GAREM1: variants seen among roughly 807,000 people sequenced by gnomAD.
GAREM1 encodes GRB2 associated regulator of MAPK1 subtype 1, also known as GRB2-associated and regulator of MAPK protein 1.
GAREM1 carries 26 observed loss-of-function variants against 71.3 expected under a neutral mutation model. That is an observed-to-expected ratio of 0.36 (90% CI 0.27 to 0.51). GAREM1 has a LOEUF of 0.51. GAREM1 is among the 20% of genes least tolerant of loss of function. The probability of loss-of-function intolerance (pLI) is 0.95; values close to 1 mark genes in which losing one functional copy is unlikely to be tolerated. For missense variants in GAREM1, 1,026 were observed against 1,103.1 expected (o/e 0.93, Z 0.99); for synonymous variants, 440 against 433.2 (o/e 1.02, Z -0.20).
chr18:32,424,631 T>C (rs962610768), intron 1 of GAREM1, among the ~76,000 whole-genome samples: 1 of 152,212 alleles, frequency 6.6e-6, no homozygotes, highest in African/African-American at 2.4e-5. Flanking sequence ...ATCAAGATAC[T>C]GTATATATTT....
chr18:32,390,869 T>C (rs1438408585), intron 2 of GAREM1, among the ~76,000 whole-genome samples: 1 of 152,200 alleles, frequency 6.6e-6, no homozygotes, highest in Non-Finnish European at 1.5e-5. Context: ...AATTAACTTC[T>C]GGAGGTAGGA....
chr18:32,395,338 C>A (rs1178046049), intron 1 of GAREM1, among the ~76,000 whole-genome samples: 3 of 152,212 alleles, frequency 2.0e-5, no homozygotes, highest in Admixed American at 2.0e-4. Flanking sequence ...GGTGAACAAA[C>A]CCAAGATCGC....
rs535482588 is a variant in GAREM1 at position 32,355,362 on chromosome 18, T to C, written c.262+37533A>G. Among the ~76,000 whole-genome samples, 20 of 152,274 alleles carry C rather than the reference T, an allele frequency of 1.3e-4. No homozygotes were observed. In the East Asian group the frequency reaches 2.7e-3, roughly 21 times the overall value. ...TATCTATGGATAAATAAAATTTTAT[T>C]TTGTGAAAGGTTTTTTGCATATTTG... On this transcript the variant is annotated intron_variant, in intron 2 of 5. Coordinates refer to ENST00000269209, the MANE Select transcript of GAREM1 (RefSeq NM_001242409.2).
intron 1 of GAREM1, among the ~76,000 whole-genome samples, chr18:32,439,502 C>T (rs572613706): frequency 5.4e-4 from 82 of 152,124 alleles, no homozygotes; most frequent in African/African-American, 1.7e-3. Flanking sequence ...TTGTTCAGTC[C>T]TATTAAACCT....
At chr18:32,414,659 G>A (rs148297664) in intron 1 of GAREM1, among the ~76,000 whole-genome samples, 37 of 151,674 alleles carry the variant, frequency 2.4e-4, no homozygotes, top group African/African-American at 8.9e-4. Context: ...ATGTAAAAAT[G>A]TATTGAAACA....
intron 1 of GAREM1, among the ~76,000 whole-genome samples, chr18:32,409,651 T>A (rs897055294): frequency 6.6e-6 from 1 of 152,188 alleles, no homozygotes; most frequent in Non-Finnish European, 1.5e-5. Flanking sequence ...AACAGTAGAA[T>A]GACCAGGAAT....
In GAREM1 at chr18:32,413,013, C is replaced by G. The variant is rs1032708753; in HGVS notation, c.122-19978G>C. On this transcript the variant is annotated intron_variant, in intron 1 of 5. Transcript: ENST00000269209. The stretch of plus-strand genomic sequence containing the variant: ...GGCATATGTGACAAACCCAAAGCCC[C>G]TGGAGCGCTTGGTGTTTGGATCTCT... 160 of 1,599,082 alleles carry G rather than the reference C, an allele frequency of 1.0e-4. 1 individual carries two copies. Among genetic ancestry groups the G allele is most frequent in the Admixed American group, 8.7e-4 (52 of 59,810 alleles).
At chr18:32,408,501 T>A (rs1475291481) in intron 1 of GAREM1, among the ~76,000 whole-genome samples, 1 of 152,164 alleles carries the variant, frequency 6.6e-6, no homozygotes, top group Non-Finnish European at 1.5e-5. Flanking sequence ...AGATGAAACA[T>A]CTGTCCTAGA....
At chr18:32,451,928 T>G (rs1302325549) in intron 1 of GAREM1, among the ~76,000 whole-genome samples, 1 of 152,252 alleles carries the variant, frequency 6.6e-6, no homozygotes, top group African/African-American at 2.4e-5. Flanking sequence ...GAATGTTGCT[T>G]GATACTAGCA....
At chr18:32,301,202 A>G (rs1180188309) in intron 3 of GAREM1, among the ~76,000 whole-genome samples, 1 of 152,182 alleles carries the variant, frequency 6.6e-6, no homozygotes, top group Non-Finnish European at 1.5e-5. Flanking sequence ...ATGTCGGTGT[A>G]TCTTTAACAC....
rs775839313 is a variant in GAREM1, at chr18:32,310,229, G to A, written c.357C>T (p.Arg119=). The change falls in exon 3 of 6, where the codon CGC becomes CGT. Residue 119 remains arginine (R), a synonymous_variant. Coordinates refer to ENST00000269209, the MANE Select transcript of GAREM1 (RefSeq NM_001242409.2). ...VEEVAKAFPE[R]VYVMEDITFN... is the part of the protein sequence containing the mutation. ...ATGTGATATCCTCCATGACGTACACGCGTTCAGGAAATGCCTTAGCCACCT... is the reference window on the plus strand; with the variant it reads ...ATGTGATATCCTCCATGACGTACACACGTTCAGGAAATGCCTTAGCCACCT... 13 of 1,613,822 alleles carry A rather than the reference G, an allele frequency of 8.1e-6. No homozygotes were observed. The highest frequency in any genetic ancestry group is 6.7e-5 in the African/African-American group (5 of 74,844).
chr18:32,371,913 T>C (rs1227808359), intron 2 of GAREM1, among the ~76,000 whole-genome samples: 1 of 152,080 alleles, frequency 6.6e-6, no homozygotes, highest in Non-Finnish European at 1.5e-5. Flanking sequence ...GCAGGATGCA[T>C]TGAGGACCTT....
chr18:32,347,451 A>T (rs1466301001), intron 2 of GAREM1, among the ~76,000 whole-genome samples: 1 of 152,178 alleles, frequency 6.6e-6, no homozygotes, highest in African/African-American at 2.4e-5. Flanking sequence ...TTGAGGGAGG[A>T]CCCTCTAATA....
At chr18:32,343,178 C>T (rs2047662839) in intron 2 of GAREM1, among the ~76,000 whole-genome samples, 1 of 152,086 alleles carries the variant, frequency 6.6e-6, no homozygotes, top group Admixed American at 6.6e-5. Flanking sequence ...AATTTAGTTA[C>T]AGAAAGTACA....
intron 2 of GAREM1, among the ~76,000 whole-genome samples, chr18:32,384,269 C>T (rs2048124450): frequency 6.6e-6 from 1 of 152,196 alleles, no homozygotes; most frequent in Admixed American, 6.5e-5. Context: ...TCACCCTTCA[C>T]TGTGTTGTTG....
In GAREM1 at chr18:32,470,022, T is replaced by G. The variant is rs2049034528; in HGVS notation, c.121+286A>C. On this transcript the variant is annotated intron_variant, in intron 1 of 5. Transcript: ENST00000269209. The surrounding 1 kb of genome is among the most constrained non-coding windows in gnomAD (Gnocchi z 4.4). Reference sequence around the variant, plus strand: ...TCTTGCAGGAGGGTGGGGAGGGATATCTGGCGTCCAAGATTACGATCTGCA... The same window carrying G: ...TCTTGCAGGAGGGTGGGGAGGGATAGCTGGCGTCCAAGATTACGATCTGCA... 6.6e-6 allele frequency among the ~76,000 whole-genome samples: 1 copy of G among 152,168 alleles called. No homozygotes were observed. Among genetic ancestry groups the G allele is most frequent in the South Asian group, 2.1e-4 (1 of 4,834 alleles).
chr18:32,316,412 T>C (rs681347), intron 2 of GAREM1, among the ~76,000 whole-genome samples: 1 of 152,098 alleles, frequency 6.6e-6, no homozygotes, highest in Admixed American at 6.5e-5. Context: ...TATTTTAAAC[T>C]TTCTCTTGTG....
intron 4 of GAREM1, among the ~76,000 whole-genome samples, chr18:32,285,455 C>A (rs1190612689): frequency 6.6e-6 from 1 of 152,226 alleles, no homozygotes; most frequent in Non-Finnish European, 1.5e-5. Context: ...TATTCAACTG[C>A]CCCACAGAAC....
chr18:32,286,321 A>AGTGTGTGTGTGTGTGTGTGT (rs140225815), intron 4 of GAREM1, among the ~76,000 whole-genome samples: 2 of 143,122 alleles, frequency 1.4e-5, no homozygotes, highest in African/African-American at 2.5e-5. Context: ...CTGGTTCTGG[A>AGTGTGTGTGTGTGTGTGTGT]GTGTGTGTGT....
Sources: gnomAD v4.1 joint callset for allele counts (sites outside exome capture counted in the v4.1 genomes callset) on GRCh38, gnomAD v4.1.1 for gene constraint, Gnocchi (gnomAD v3.1) non-coding constraint, MANE v1.5 for transcripts, NCBI Gene and HGNC (gene_info 2026-07-23, HGNC 2026-07-21) for gene names.